The following RIMS1 variants were observed in gnomAD, a reference collection of about 807,000 sequenced individuals.
RIMS1 encodes the protein regulating synaptic membrane exocytosis protein 1.
In RIMS1, 83 loss-of-function variants were observed where a neutral mutation model predicts 214.1. The observed-to-expected ratio is 0.39, with a 90% CI of 0.32 to 0.47. The LOEUF is 0.47. Ranked by LOEUF, RIMS1 falls within the 20% of genes least tolerant of loss-of-function variation. The pLI is 0.99. For missense variants in RIMS1, 2,050 were observed against 2,161.8 expected (o/e 0.95, Z 1.03); for synonymous variants, 793 against 786.8 (o/e 1.01, Z -0.13).
At chr6:72,105,195 A>G (rs1246244696) in intron 4 of RIMS1, among the ~76,000 whole-genome samples, 2 of 152,074 alleles carry the variant, frequency 1.3e-5, no homozygotes, top group Non-Finnish European at 2.9e-5. Flanking sequence ...TGGCCTCCCA[A>G]AGTACTGGAA....
chr6:72,340,603 G>A (rs140856359), intron 29 of RIMS1, among the ~76,000 whole-genome samples: 2,599 of 151,742 alleles, frequency 0.017, 33 homozygotes, highest in Non-Finnish European at 0.024. Flanking sequence ...GTAGATATGC[G>A]GCATTATGCG....
chr6:72,087,024 C>T (rs928035608), intron 2 of RIMS1, among the ~76,000 whole-genome samples: 2 of 152,094 alleles, frequency 1.3e-5, no homozygotes, highest in East Asian at 1.9e-4. Context: ...GTTGTTTGTT[C>T]GTTTGATTGT....
intron 2 of RIMS1, among the ~76,000 whole-genome samples, chr6:72,015,998 T>C (rs1332077805): frequency 6.6e-6 from 1 of 152,192 alleles, no homozygotes; most frequent in Non-Finnish European, 1.5e-5. Context: ...TATTTTAGTT[T>C]ACTGATTATT....
chr6:72,397,260 T>C (rs2098790328), intron 31 of RIMS1, among the ~76,000 whole-genome samples: 1 of 152,100 alleles, frequency 6.6e-6, no homozygotes, highest in Non-Finnish European at 1.5e-5. Context: ...GAAACAAATA[T>C]TTTCATGAAA....
chr6:72,213,123 A>T, intron 6 of RIMS1: 1 of 1,536,990 alleles, frequency 6.5e-7, no homozygotes, highest in Non-Finnish European at 8.7e-7. Context: ...GTTTGCTGTC[A>T]TGTGTGCACC....
chr6:71,916,005 T>C (rs541169880), intron 1 of RIMS1, among the ~76,000 whole-genome samples: 1 of 152,164 alleles, frequency 6.6e-6, no homozygotes, highest in Admixed American at 6.6e-5. Context: ...CATGATTCAA[T>C]TACCTCCCAC....
chr6:72,216,684 T>C, intron 6 of RIMS1: 1 of 985,298 alleles, frequency 1.0e-6, no homozygotes, highest in Non-Finnish European at 1.2e-6. Flanking sequence ...CCTTGTCATC[T>C]TAATCCATGG....
chr6:71,904,095 G>A (rs1267013219), intron 1 of RIMS1, among the ~76,000 whole-genome samples: 1 of 152,064 alleles, frequency 6.6e-6, no homozygotes, highest in Non-Finnish European at 1.5e-5. Flanking sequence ...ACAGAATAAA[G>A]AATGGCATTA....
At chr6:72,125,265 C>T (rs2039271501) in intron 4 of RIMS1, among the ~76,000 whole-genome samples, 1 of 152,314 alleles carries the variant, frequency 6.6e-6, no homozygotes, top group East Asian at 1.9e-4. Context: ...CTGGAGTTTG[C>T]TGGCAGTCCA....
chr6:72,339,819 C>T (rs1177175117), intron 29 of RIMS1, among the ~76,000 whole-genome samples: 3 of 151,952 alleles, frequency 2.0e-5, no homozygotes, highest in African/African-American at 7.2e-5. Flanking sequence ...ATGGCTGGGT[C>T]AAATGGTATT....
At chr6:72,109,454 A>G (rs2035542168) in intron 4 of RIMS1, among the ~76,000 whole-genome samples, 1 of 152,068 alleles carries the variant, frequency 6.6e-6, no homozygotes, top group African/African-American at 2.4e-5. Context: ...ATGGCCAGTG[A>G]TGGTGGGCAT....
chr6:72,056,336 A>G (rs1157776910), intron 2 of RIMS1, among the ~76,000 whole-genome samples: 6 of 152,158 alleles, frequency 3.9e-5, no homozygotes, highest in Non-Finnish European at 8.8e-5. Context: ...CTGGGTGACA[A>G]AATCATCTGT....
intron 25 of RIMS1, among the ~76,000 whole-genome samples, chr6:72,291,110 A>C (rs1037288140): frequency 6.6e-6 from 1 of 152,122 alleles, no homozygotes. Flanking sequence ...ATGTCCTTTC[A>C]TCTGTTTGTG....
At chr6:72,006,078 C>T (rs1167183424) in intron 2 of RIMS1, among the ~76,000 whole-genome samples, 2 of 152,136 alleles carry the variant, frequency 1.3e-5, no homozygotes, top group African/African-American at 4.8e-5. Context: ...CGATGGCCTT[C>T]TTGCTTTGCT....
intron 2 of RIMS1, among the ~76,000 whole-genome samples, chr6:71,984,814 T>TATCG (rs1304888447): frequency 7.0e-6 from 1 of 142,694 alleles, no homozygotes; most frequent in Non-Finnish European, 1.5e-5. Flanking sequence ...TCTATCTATC[T>TATCG]ATCTATTATG....
chr6:72,335,885 G>A (rs1466486747), intron 29 of RIMS1, among the ~76,000 whole-genome samples: 6 of 151,872 alleles, frequency 4.0e-5, no homozygotes, highest in African/African-American at 1.4e-4. Flanking sequence ...CTTGAGAAGT[G>A]TTTGTTCATA....
intron 29 of RIMS1, among the ~76,000 whole-genome samples, chr6:72,342,466 A>C (rs2097125907): frequency 6.6e-6 from 1 of 151,806 alleles, no homozygotes; most frequent in Admixed American, 6.6e-5. Context: ...GGCAAGATGG[A>C]TAAATGGAGG....
chr6:72,052,509 A>G (rs1824984532), intron 2 of RIMS1, among the ~76,000 whole-genome samples: 2 of 152,164 alleles, frequency 1.3e-5, no homozygotes, highest in Non-Finnish European at 2.9e-5. Flanking sequence ...TTTTTCATCT[A>G]TTAAAATTAG....
At chr6:72,020,430 C>G (rs1425247496) in intron 2 of RIMS1, among the ~76,000 whole-genome samples, 1 of 152,150 alleles carries the variant, frequency 6.6e-6, no homozygotes, top group African/African-American at 2.4e-5. Flanking sequence ...AAACCCAAGC[C>G]CTTGGCCCAC....
Sources: gnomAD v4.1 joint callset for allele counts (sites outside exome capture counted in the v4.1 genomes callset) on GRCh38, gnomAD v4.1.1 for gene constraint, MANE v1.5 for transcripts, NCBI Gene and HGNC (gene_info 2026-07-23, HGNC 2026-07-21) for gene names.